The following LMX1A variants were observed in gnomAD, a reference collection of about 807,000 sequenced individuals.
LMX1A encodes LIM homeobox transcription factor 1 alpha.
A neutral mutation model predicts 49.1 loss-of-function variants in LMX1A; 15 were observed. That is an observed-to-expected ratio of 0.31 (90% CI 0.20 to 0.47). The LOEUF (loss-of-function observed/expected upper bound fraction) is 0.47, where lower values mean the gene tolerates loss of function less well. LMX1A is among the 20% of genes least tolerant of loss of function. The pLI, the probability that LMX1A is intolerant of heterozygous loss-of-function variation, is 1.00. For missense variants in LMX1A, 372 were observed against 475.8 expected (o/e 0.78, Z 2.03); for synonymous variants, 167 against 185.7 (o/e 0.90, Z 0.82).
rs1461966325 is a variant in LMX1A, at chr1:165,225,799, G to A, written c.497-11986C>T. Among the ~76,000 whole-genome samples the A allele has an allele frequency of 2.6e-5, 4 of 152,152 alleles. No individual in the cohort carries two copies. In the East Asian group the frequency reaches 5.8e-4, roughly 22 times the overall value. ...TGCTGGTCCAGGAACCACACCTTTAGAATCACTGATCCAGAATGTTTCTAC... is the reference window on the plus strand; with the variant it reads ...TGCTGGTCCAGGAACCACACCTTTAAAATCACTGATCCAGAATGTTTCTAC... On this transcript the variant is annotated intron_variant, in intron 4 of 8. Coordinates refer to ENST00000342310, the MANE Select transcript of LMX1A (RefSeq NM_177398.4).
Position 165,303,458 on chromosome 1 carries a change from G to A in LMX1A, c.263+49618C>T, listed in dbSNP as rs141796518. On this transcript the variant is annotated intron_variant, in intron 3 of 8. Transcript: ENST00000342310. ...TGCTTTGGGTTGTTCATTGATCCTCGTCAAAATTTACAAAAGCACAAGACA... is the reference window on the plus strand; with the variant it reads ...TGCTTTGGGTTGTTCATTGATCCTCATCAAAATTTACAAAAGCACAAGACA... 2.4e-3 allele frequency among the ~76,000 whole-genome samples: 369 copies of A among 152,272 alleles called. 1 individual carries two copies. Among genetic ancestry groups the A allele is most frequent in the African/African-American group, 7.8e-3 (324 of 41,556 alleles).
chr1:165,301,374 C>CAT (rs71695256), intron 3 of LMX1A, among the ~76,000 whole-genome samples: 3 of 151,462 alleles, frequency 2.0e-5, no homozygotes, highest in African/African-American at 7.3e-5. Flanking sequence ...CTCCCGACAA[C>CAT]ACACACACAC....
chr1:165,302,362 T>C (rs1239597548), intron 3 of LMX1A, among the ~76,000 whole-genome samples: 4 of 151,826 alleles, frequency 2.6e-5, no homozygotes, highest in Non-Finnish European at 5.9e-5. Context: ...GAGAGTTGCT[T>C]GAACCCAGGA....
At chr1:165,215,116 G>A (rs538320974) in intron 4 of LMX1A, among the ~76,000 whole-genome samples, 1 of 152,098 alleles carries the variant, frequency 6.6e-6, no homozygotes, top group African/African-American at 2.4e-5. Flanking sequence ...TCAGGAGTTT[G>A]AGATTATCCT....
rs1452777540 is a variant in LMX1A, at chr1:165,275,212, C to T, written c.264-25572G>A. On this transcript the variant is annotated intron_variant, in intron 3 of 8. Transcript: ENST00000342310. ...CACAGAACTCAACTCTTCCCAATTT[C>T]ACAGCACCCGACAGCCCCGAGTCCT... Among the ~76,000 whole-genome samples, 8 of 152,220 alleles carry T rather than the reference C, an allele frequency of 5.3e-5. No homozygotes were observed. The East Asian group carries it at 5.8e-4, about 11-fold the overall frequency.
intron 8 of LMX1A, 70 bp downstream of exon 8, chr1:165,205,794 A>G (rs544815038): frequency 6.9e-7 from 1 of 1,455,968 alleles, no homozygotes; most frequent in South Asian, 1.2e-5. Context: ...AACTGCCTAG[A>G]TGTGTTTAGG....
At position 165,351,114 on chromosome 1, in the gene LMX1A, A is replaced by T. The variant is rs370601740; in HGVS notation, c.263+1962T>A. On this transcript the variant is annotated intron_variant, in intron 3 of 8. Transcript: ENST00000342310. ...TGACACAGCCTGACTTCCTTAAAGAAGATTTGACTGGCCAGACAGCTGTGT... is the reference window on the plus strand; with the variant it reads ...TGACACAGCCTGACTTCCTTAAAGATGATTTGACTGGCCAGACAGCTGTGT... Among the ~76,000 whole-genome samples, 8 of 152,114 alleles carry T rather than the reference A, an allele frequency of 5.3e-5. No homozygotes were observed. In the East Asian group the frequency reaches 1.2e-3, roughly 22 times the overall value.
intron 3 of LMX1A, among the ~76,000 whole-genome samples, chr1:165,326,115 C>G (rs1655571871): frequency 6.6e-6 from 1 of 152,140 alleles, no homozygotes; most frequent in South Asian, 2.1e-4. Flanking sequence ...CAGTCAAATC[C>G]ATCACTGGCC....
At chr1:165,228,423 C>T (rs1186930132) in intron 4 of LMX1A, among the ~76,000 whole-genome samples, 1 of 152,216 alleles carries the variant, frequency 6.6e-6, no homozygotes, top group African/African-American at 2.4e-5. Flanking sequence ...ACAACCTCAT[C>T]AGCCATCTAA....
intron 6 of LMX1A, 81 bp downstream of exon 6, chr1:165,210,618 T>C: frequency 1.0e-6 from 1 of 1,001,042 alleles, no homozygotes; most frequent in Non-Finnish European, 1.5e-6. Context: ...CGAGAAAACC[T>C]GGCAGCAAGT....
At chr1:165,278,632 G>A (rs1290072301) in intron 3 of LMX1A, among the ~76,000 whole-genome samples, 1 of 152,024 alleles carries the variant, frequency 6.6e-6, no homozygotes, top group Non-Finnish European at 1.5e-5. Flanking sequence ...AAACCCCGGG[G>A]ACAGCCCACA....
chr1:165,310,610 G>C (rs1180228530), intron 3 of LMX1A, among the ~76,000 whole-genome samples: 1 of 152,178 alleles, frequency 6.6e-6, no homozygotes, highest in Non-Finnish European at 1.5e-5. Context: ...GCATCCAATG[G>C]GGTGGAGATG....
chr1:165,215,640 C>T (rs1651615154), intron 4 of LMX1A, among the ~76,000 whole-genome samples: 1 of 152,172 alleles, frequency 6.6e-6, no homozygotes, highest in Admixed American at 6.5e-5. Flanking sequence ...GCCAAAAAAA[C>T]TTATTTAATC....
intron 3 of LMX1A, among the ~76,000 whole-genome samples, chr1:165,259,880 A>G (rs549107842): frequency 8.7e-4 from 133 of 152,304 alleles, no homozygotes; most frequent in African/African-American, 3.0e-3. Flanking sequence ...TGGGACAGTG[A>G]GTCTCTCCTA....
In LMX1A at chr1:165,355,735, A is replaced by G. The variant is rs1032308390; in HGVS notation, c.-22-154T>C. On this transcript the variant is annotated intron_variant, in intron 1 of 8. Transcript: ENST00000342310. This position sits in a 1 kb window ranked among gnomAD's most constrained non-coding sequence, Gnocchi z 4.7. The stretch of plus-strand genomic sequence containing the variant: ...TCCAGCCAAGAGAATGTAGGGTGGG[A>G]GGAGAGATCAGTCACAGCGAACTGC... 2.6e-5 allele frequency: 16 copies of G among 619,972 alleles called. No homozygotes were observed. In the African/African-American group the frequency reaches 2.8e-4, roughly 11 times the overall value. The allele number at this position is 619,972 out of a possible 1,614,324, so 38.4% of individuals were successfully genotyped here. A position where few individuals can be genotyped will look rare whatever the true frequency, so the allele number is the denominator to read the frequency against.
chr1:165,291,083 A>AAGAT (rs1466149073), intron 3 of LMX1A, among the ~76,000 whole-genome samples: 1 of 152,238 alleles, frequency 6.6e-6, no homozygotes, highest in Non-Finnish European at 1.5e-5. Context: ...TTACTAACAT[A>AAGAT]AGATCTAAGA....
rs1212950510 is a variant in LMX1A, at chr1:165,202,336, CCATGTA to C, written c.*1538_*1543del. 6.6e-6 allele frequency: 1 copy of C among 152,634 alleles called. No homozygotes were observed. The highest frequency in any genetic ancestry group is 2.4e-5 in the African/African-American group (1 of 41,426). The allele number at this position is 152,634 out of a possible 1,614,324, so 9.5% of individuals were successfully genotyped here. On this transcript the variant is annotated 3_prime_UTR_variant, in exon 9 of 9. Coordinates refer to ENST00000342310, the MANE Select transcript of LMX1A (RefSeq NM_177398.4). The stretch of plus-strand genomic sequence containing the variant: ...TGGAGACCAGGGTGTGGAACTGTCC[CCATGTA>C]CAATGGCTGCTGGGTCTTCTGTGCC...
chr1:165,225,264 G>A (rs534309539), intron 4 of LMX1A, among the ~76,000 whole-genome samples: 21 of 152,276 alleles, frequency 1.4e-4, no homozygotes, highest in South Asian at 6.2e-4. Flanking sequence ...GCCATGCTTC[G>A]TCATTGGTGA....
At position 165,232,802 on chromosome 1, in the gene LMX1A, T is replaced by C. The variant is rs556084000; in HGVS notation, c.496+16606A>G. On this transcript the variant is annotated intron_variant, in intron 4 of 8. Coordinates refer to ENST00000342310, the MANE Select transcript of LMX1A (RefSeq NM_177398.4). ...AAACTCCCTCTGGTCACACCCCAGC[T>C]GTTAGATTAGGAAAAGCTAGCTGTG... 2.6e-5 allele frequency among the ~76,000 whole-genome samples: 4 copies of C among 152,276 alleles called. No homozygotes were observed. The East Asian group carries it at 7.7e-4, about 29-fold the overall frequency.
Sources: allele counts gnomAD v4.1 joint callset (sites outside exome capture counted in the v4.1 genomes callset), GRCh38; gene constraint gnomAD v4.1.1; non-coding constraint Gnocchi (gnomAD v3.1); transcripts MANE v1.5; gene names NCBI Gene and HGNC (gene_info 2026-07-23, HGNC 2026-07-21).